Variants in TENT4A observed in about 807,000 individuals in gnomAD.
TENT4A encodes the protein terminal nucleotidyltransferase 4A, also known as DNA polymerase kappa.
A neutral mutation model predicts 72.8 loss-of-function variants in TENT4A; 7 were observed. That is an observed-to-expected ratio of 0.10 (90% CI 0.05 to 0.18). The LOEUF is 0.18. Ranked by LOEUF, TENT4A falls within the 10% of genes least tolerant of loss-of-function variation. The probability of loss-of-function intolerance (pLI) is 1.00; values close to 1 mark genes in which losing one functional copy is unlikely to be tolerated. For synonymous variants in TENT4A, 456 were observed against 434.3 expected, an observed-to-expected ratio of 1.05 and a Z score of -0.62; for missense variants, 831 against 1,017.7, an observed-to-expected ratio of 0.82 and a Z score of 2.50.
intron 1 of TENT4A, among the ~76,000 whole-genome samples, chr5:6,735,568 T>C (rs897220647): frequency 6.6e-6 from 1 of 152,196 alleles, no homozygotes; most frequent in Non-Finnish European, 1.5e-5. Context: ...CCTCAGACTT[T>C]AAAGTGGCCT....
intron 1 of TENT4A, among the ~76,000 whole-genome samples, chr5:6,732,978 G>A (rs1741285698): frequency 6.6e-6 from 1 of 152,224 alleles, no homozygotes; most frequent in East Asian, 1.9e-4. Flanking sequence ...CTAAGACGAG[G>A]CTAGAAGTCA....
intron 1 of TENT4A, among the ~76,000 whole-genome samples, chr5:6,717,894 A>G (rs1740465216): frequency 6.6e-6 from 1 of 152,212 alleles, no homozygotes; most frequent in Non-Finnish European, 1.5e-5. Context: ...GTCTTGCATA[A>G]GTGAGAGTGG....
chr5:6,714,773 C>T (rs1476221561), intron 1 of TENT4A, 74 bp downstream of exon 1: 152 of 824,506 alleles, frequency 1.8e-4, no homozygotes, highest in Non-Finnish European at 2.1e-4. Context: ...TGCAGACACC[C>T]GTCCCAGGCG....
intron 1 of TENT4A, among the ~76,000 whole-genome samples, chr5:6,728,203 C>T (rs964248597): frequency 2.0e-5 from 3 of 152,150 alleles, no homozygotes; most frequent in African/African-American, 7.2e-5. Flanking sequence ...GGGGTGACGG[C>T]GGTTTCATCA....
At chr5:6,742,944 A>G (rs1561040243) in intron 5 of TENT4A, among the ~76,000 whole-genome samples, 1 of 151,602 alleles carries the variant, frequency 6.6e-6, no homozygotes, top group Non-Finnish European at 1.5e-5. Flanking sequence ...GGTGCCTTAA[A>G]TATACTCACT....
intron 9 of TENT4A, 106 bp from the exon 10 acceptor site, chr5:6,750,225 A>C (rs1272066726): frequency 4.0e-6 from 3 of 756,814 alleles, no homozygotes; most frequent in Non-Finnish European, 6.0e-6. Context: ...TTTGTTAGTC[A>C]CATTAGCAGC....
intron 1 of TENT4A, among the ~76,000 whole-genome samples, chr5:6,717,438 C>T (rs1449265488): frequency 6.6e-6 from 1 of 152,218 alleles, no homozygotes; most frequent in Non-Finnish European, 1.5e-5. Context: ...ATGTGGCAAC[C>T]CTCACTGTTT....
chr5:6,734,232 C>T (rs1051421591), intron 1 of TENT4A, among the ~76,000 whole-genome samples: 2 of 152,234 alleles, frequency 1.3e-5, no homozygotes, highest in Admixed American at 6.5e-5. Flanking sequence ...GGTGCCCTCA[C>T]GTGGGTTTTG....
At chr5:6,753,627 G>A (rs1282204790) in intron 12 of TENT4A, among the ~76,000 whole-genome samples, 1 of 152,242 alleles carries the variant, frequency 6.6e-6, no homozygotes, top group Non-Finnish European at 1.5e-5. Context: ...GAGCCATGGC[G>A]AGGATCTTCC....
At chr5:6,747,221 G>A (rs1172011492) in intron 7 of TENT4A, among the ~76,000 whole-genome samples, 1 of 152,186 alleles carries the variant, frequency 6.6e-6, no homozygotes, top group Admixed American at 6.5e-5. Context: ...GACAGAACAG[G>A]TGGTGGAGAG....
intron 8 of TENT4A, among the ~76,000 whole-genome samples, chr5:6,748,926 C>T (rs1476204123): frequency 6.6e-6 from 1 of 152,100 alleles, no homozygotes; most frequent in Non-Finnish European, 1.5e-5. Flanking sequence ...GGCATTTTTA[C>T]AGTCCCAAAA....
intron 7 of TENT4A, among the ~76,000 whole-genome samples, 178 bp from the exon 8 acceptor site, chr5:6,748,286 T>C (rs898765745): frequency 6.6e-6 from 1 of 152,230 alleles, no homozygotes; most frequent in Non-Finnish European, 1.5e-5. Context: ...GACAGGGCCT[T>C]TGCCAGTGCC....
At chr5:6,745,447 C>T (rs1034891107) in intron 6 of TENT4A, among the ~76,000 whole-genome samples, 2 of 152,154 alleles carry the variant, frequency 1.3e-5, no homozygotes, top group Non-Finnish European at 2.9e-5. Context: ...CTGCATGGTC[C>T]GGCAAGGGGC....
In TENT4A at chr5:6,714,126, T is replaced by G. The variant is rs1162407772; in HGVS notation, c.143T>G (p.Leu48Arg). 1 of 972,904 alleles carries G rather than the reference T, an allele frequency of 1.0e-6. No homozygotes were observed. Among genetic ancestry groups the G allele is most frequent in the Non-Finnish European group, 1.2e-6 (1 of 824,846 alleles). The allele number at this position is 972,904 out of a possible 1,614,324, so 60.3% of individuals were successfully genotyped here. ...ASYFCLNSPA[L>R]DTAAAAGAAG... is the part of the protein sequence containing the mutation. The stretch of plus-strand genomic sequence containing the variant: ...TATTTCTGCCTCAACTCGCCGGCGC[T>G]GGACACGGCGGCCGCGGCGGGGGCG... The change falls in exon 1 of 13, where the codon CTG (leucine) becomes CGG (arginine). Residue 48 changes from leucine to arginine, a missense_variant. Leu to Arg is a moderately radical substitution (Grantham distance 102). This residue lies in a region of TENT4A where 302 missense variants were observed against 293.8 expected (regional missense o/e 1.03). Transcript: ENST00000230859.
At chr5:6,738,863 A>G in intron 3 of TENT4A, 134 bp downstream of exon 3, 1 of 703,860 alleles carries the variant, frequency 1.4e-6, no homozygotes, top group Non-Finnish European at 2.5e-6. Flanking sequence ...GACTGTGGTT[A>G]CAGAGGGAAA....
intron 2 of TENT4A, among the ~76,000 whole-genome samples, chr5:6,738,021 A>G (rs1352404074): frequency 2.0e-5 from 3 of 150,088 alleles, no homozygotes; most frequent in South Asian, 2.1e-4. Context: ...CCACCACCAC[A>G]CATAGTAGCA....
intron 1 of TENT4A, 71 bp from the exon 2 acceptor site, chr5:6,737,439 T>C: frequency 1.5e-6 from 2 of 1,359,528 alleles, no homozygotes; most frequent in South Asian, 1.3e-5. Flanking sequence ...GTCATCCTGA[T>C]GTAAGAACAG....
At chr5:6,751,269 A>G in intron 11 of TENT4A, 72 bp downstream of exon 11, 1 of 1,462,520 alleles carries the variant, frequency 6.8e-7, no homozygotes, top group Non-Finnish European at 9.6e-7. Context: ...TATGCACTAG[A>G]GGAGATTGAT....
Position 6,714,481 on chromosome 5 carries a change from C to T in TENT4A, c.498C>T (p.His166=), listed in dbSNP as rs541110146. The T allele has an allele frequency of 1.8e-4, 216 of 1,183,630 alleles. No homozygotes were observed. The highest frequency in any genetic ancestry group is 2.1e-4 in the Non-Finnish European group (199 of 957,058). The allele number at this position is 1,183,630 out of a possible 1,614,324, so 73.3% of individuals were successfully genotyped here. A position where few individuals can be genotyped will look rare whatever the true frequency, so the allele number is the denominator to read the frequency against. Residue 166 remains histidine (H), a synonymous_variant, in exon 1 of 13, where the codon CAC becomes CAT. Coordinates refer to ENST00000230859, the MANE Select transcript of TENT4A (RefSeq NM_006999.6). Reference sequence around the variant, plus strand: ...GCGCCCCTGGCACAGCCAACGGGCACCCCGGGCCGCGCGGCCCCGCGCCCG... The same window carrying T: ...GCGCCCCTGGCACAGCCAACGGGCATCCCGGGCCGCGCGGCCCCGCGCCCG... ...APSAPGTANG[H]PGPRGPAPAG...
Sources: allele counts gnomAD v4.1 joint callset (sites outside exome capture counted in the v4.1 genomes callset), GRCh38; gene constraint gnomAD v4.1.1; regional missense constraint gnomAD v4.1.1; transcripts MANE v1.5; gene names NCBI Gene and HGNC (gene_info 2026-07-23, HGNC 2026-07-21).